FAT4: variants seen among roughly 807,000 people sequenced by gnomAD.
FAT4 encodes the protein FAT atypical cadherin 4, also known as protocadherin Fat 4.
A neutral mutation model predicts 303.9 loss-of-function variants in FAT4; 84 were observed. That is an observed-to-expected ratio of 0.28 (90% CI 0.23 to 0.33). The LOEUF (loss-of-function observed/expected upper bound fraction) is 0.33, where lower values mean the gene tolerates loss of function less well. Among genes scored for constraint, FAT4 ranks in the 10% least tolerant of loss-of-function variants. The probability of loss-of-function intolerance (pLI) is 1.00; values close to 1 mark genes in which losing one functional copy is unlikely to be tolerated. For missense variants in FAT4, 6,005 were observed against 6,146.8 expected (o/e 0.98, Z 0.77); for synonymous variants, 2,307 against 2,298.8 (o/e 1.00, Z -0.10).
chr4:125,489,670 A>G (rs1388832255), intron 17 of FAT4, among the ~76,000 whole-genome samples: 1 of 152,090 alleles, frequency 6.6e-6, no homozygotes, highest in Non-Finnish European at 1.5e-5. Context: ...GATTCAAGCA[A>G]TCTGACCCAT....
In FAT4 at chr4:125,330,910, T is replaced by A. The variant is rs544866733; in HGVS notation, c.5175+9324T>A. Among the ~76,000 whole-genome samples, 4 of 152,290 alleles carry A rather than the reference T, an allele frequency of 2.6e-5. No homozygotes were observed. The East Asian group carries it at 7.7e-4, about 29-fold the overall frequency. On this transcript the variant is annotated intron_variant, in intron 2 of 17. Transcript: ENST00000394329. ...GTTACTGTTTGGACCTCTTTTTTCC[T>A]GATTCCCCTTGCCTGAACTTGTTCA...
At chr4:125,440,610 TGAGAGA>T (rs1553925990) in intron 8 of FAT4, among the ~76,000 whole-genome samples, 12 of 75,750 alleles carry the variant, frequency 1.6e-4, no homozygotes, top group East Asian at 4.5e-4. Context: ...TGTGTGTGTG[TGAGAGA>T]GAGAGAGAGA....
chr4:125,445,993 G>A lies in FAT4; in HGVS notation c.7200-300G>A, dbSNP rs149127071. On this transcript the variant is annotated intron_variant, in intron 8 of 17. Coordinates refer to ENST00000394329, the MANE Select transcript of FAT4 (RefSeq NM_001291303.3). ...CAAGTCCCCTGATTTATGCTTTTAG[G>A]CTCATTTATTTAAAGCCTTAGGGGT... 59 of 198,902 alleles carry A rather than the reference G, an allele frequency of 3.0e-4. 1 individual carries two copies. The East Asian group carries it at 6.0e-3, about 20-fold the overall frequency. 12.3% of individuals were successfully genotyped at this position (198,902 alleles called of 1,614,324 possible). A position where few individuals can be genotyped will look rare whatever the true frequency, so the allele number is the denominator to read the frequency against.
chr4:125,469,955 A>T (rs1726801271), intron 12 of FAT4, among the ~76,000 whole-genome samples: 1 of 152,182 alleles, frequency 6.6e-6, no homozygotes. Context: ...TGTGGCAGCT[A>T]TAGCCTTATG....
At chr4:125,338,278 A>C (rs1434918986) in intron 2 of FAT4, among the ~76,000 whole-genome samples, 1 of 152,186 alleles carries the variant, frequency 6.6e-6, no homozygotes, top group Non-Finnish European at 1.5e-5. Flanking sequence ...ATATATTTAC[A>C]TTGCTAAGAT....
Position 125,415,676 on chromosome 4 carries a change from C to G in FAT4, c.6713C>G (p.Pro2238Arg). 1 of 1,613,962 alleles carries G rather than the reference C, an allele frequency of 6.2e-7. No homozygotes were observed. The highest frequency in any genetic ancestry group is 1.3e-5 in the African/African-American group (1 of 75,018). ...TVQATDRGST[P>R]RTDTSTVSIV... ...CAGGCAACAGATCGAGGCAGCACACCCAGAACTGATACCTCCACGGTCAGC... is the reference window on the plus strand; with the variant it reads ...CAGGCAACAGATCGAGGCAGCACACGCAGAACTGATACCTCCACGGTCAGC... The change falls in exon 6 of 18, where the codon CCC becomes CGC. Residue 2238 changes from proline (P) to arginine (R), a missense_variant. By Grantham distance (103) the Pro-to-Arg change is moderately radical (BLOSUM62 -2). Transcript: ENST00000394329.
intron 11 of FAT4, among the ~76,000 whole-genome samples, chr4:125,465,138 T>A (rs1726618258): frequency 6.6e-6 from 1 of 152,130 alleles, no homozygotes. Context: ...TTGCCCAAAG[T>A]CAAAAAATGA....
intron 2 of FAT4, among the ~76,000 whole-genome samples, chr4:125,387,350 A>G (rs1242846694): frequency 6.6e-6 from 1 of 152,220 alleles, no homozygotes; most frequent in Non-Finnish European, 1.5e-5. Context: ...TAAAAGAACT[A>G]TAGCCAAGTC....
At chr4:125,378,559 T>C (rs182720595) in intron 2 of FAT4, among the ~76,000 whole-genome samples, 2 of 152,188 alleles carry the variant, frequency 1.3e-5, no homozygotes, top group East Asian at 3.9e-4. Context: ...TTATAGAAAA[T>C]CTCAAATTAT....
chr4:125,478,150 A>G (rs1727098837), intron 14 of FAT4, among the ~76,000 whole-genome samples: 1 of 152,204 alleles, frequency 6.6e-6, no homozygotes, highest in Non-Finnish European at 1.5e-5. Flanking sequence ...GATTACCAGA[A>G]ATAAAACTAT....
At chr4:125,437,565 G>C (rs1725503249) in intron 8 of FAT4, among the ~76,000 whole-genome samples, 1 of 152,052 alleles carries the variant, frequency 6.6e-6, no homozygotes, top group African/African-American at 2.4e-5. Context: ...TTCTGTCCAG[G>C]GTCATAACCC....
rs907107234 is a variant in FAT4, at chr4:125,316,831, C to T, written c.420C>T (p.Ile140=). 2 of 1,613,904 alleles carry T rather than the reference C, an allele frequency of 1.2e-6. No individual in the cohort carries two copies. Among genetic ancestry groups the T allele is most frequent in the African/African-American group, 2.7e-5 (2 of 74,920 alleles). ...CCCCCGTTTTCCCGGACCCCTCTAT[C>T]GTGGTCACTTTCAAGGAAGACAGTA... ...DNAPVFPDPS[I]VVTFKEDSSS... is the part of the protein sequence containing the mutation. Residue 140 remains isoleucine (I), a synonymous_variant, in exon 2 of 18, where the codon ATC becomes ATT. Transcript: ENST00000394329. This position sits in a 1 kb window ranked among gnomAD's most constrained non-coding sequence, Gnocchi z 5.7.
intron 2 of FAT4, among the ~76,000 whole-genome samples, chr4:125,356,688 A>G (rs1373066645): frequency 6.7e-6 from 1 of 150,036 alleles, no homozygotes; most frequent in Non-Finnish European, 1.5e-5. Context: ...TGAGTTACAG[A>G]ATATGTTGTA....
At chr4:125,471,961 C>CA (rs1343916041) in intron 12 of FAT4, among the ~76,000 whole-genome samples, 4 of 140,236 alleles carry the variant, frequency 2.9e-5, no homozygotes, top group Non-Finnish European at 6.1e-5. Context: ...CCTGTAGTCC[C>CA]AGCTGCTGGG....
At chr4:125,340,343 G>T (rs1429113386) in intron 2 of FAT4, among the ~76,000 whole-genome samples, 1 of 152,028 alleles carries the variant, frequency 6.6e-6, no homozygotes, top group African/African-American at 2.4e-5. Flanking sequence ...TCCCTCAAGG[G>T]ATTCTGATGC....
chr4:125,406,233 A>G (rs1734601331), intron 3 of FAT4, among the ~76,000 whole-genome samples: 1 of 152,114 alleles, frequency 6.6e-6, no homozygotes, highest in Non-Finnish European at 1.5e-5. Context: ...AGTTTTCCCA[A>G]CACCCCTTGT....
chr4:125,452,582 G>A lies in FAT4; in HGVS notation c.11572G>A (p.Gly3858Ser). 3 of 1,614,174 alleles carry A rather than the reference G, an allele frequency of 1.9e-6. No homozygotes were observed. Among genetic ancestry groups the A allele is most frequent in the South Asian group, 1.1e-5 (1 of 91,088 alleles). Residue 3858 changes from glycine to serine, a missense_variant, in exon 10 of 18, where the codon GGT (glycine) becomes AGT (serine). Physicochemically the swap from Gly to Ser is moderately conservative, Grantham distance 56. Coordinates refer to ENST00000394329, the MANE Select transcript of FAT4 (RefSeq NM_001291303.3). ...FLCKCLPGYA[G>S]SWCEIDIDEC... is the part of the protein sequence containing the mutation. ...ATGCAAGTGTCTGCCAGGATATGCG[G>A]GTAGCTGGTGTGAAATAGATATAGA...
At position 125,315,975 on chromosome 4, in the gene FAT4, C is replaced by A. The variant is rs1368454721; in HGVS notation, c.-15C>A. 2.6e-5 allele frequency among the ~76,000 whole-genome samples: 4 copies of A among 152,168 alleles called. No individual in the cohort carries two copies. The highest frequency in any genetic ancestry group is 2.9e-5 in the Non-Finnish European group (2 of 68,046). On this transcript the variant is annotated splice_region_variant and 5_prime_UTR_variant, in exon 1 of 18. Coordinates refer to ENST00000394329, the MANE Select transcript of FAT4 (RefSeq NM_001291303.3). ...TCCTCCCTCTTCACGTTCTTCGCTG[C>A]GGGTAAGTTCTAAAGTTTCTGAAGA... is the stretch of plus-strand genomic sequence containing the variant.
intron 2 of FAT4, among the ~76,000 whole-genome samples, chr4:125,370,396 A>G (rs1733060691): frequency 1.3e-5 from 2 of 152,124 alleles, no homozygotes; most frequent in Non-Finnish European, 2.9e-5. Flanking sequence ...ACTGTACAGC[A>G]CCTAACAACA....
Sources: allele counts gnomAD v4.1 joint callset (sites outside exome capture counted in the v4.1 genomes callset), GRCh38; gene constraint gnomAD v4.1.1; non-coding constraint Gnocchi (gnomAD v3.1); transcripts MANE v1.5; gene names NCBI Gene and HGNC (gene_info 2026-07-23, HGNC 2026-07-21).